Variants in WAPL observed in about 807,000 individuals in gnomAD.
WAPL encodes wings apart-like protein homolog.
A neutral mutation model predicts 121.0 loss-of-function variants in WAPL; 5 were observed. That is an observed-to-expected ratio of 0.04 (90% CI 0.02 to 0.09). WAPL has a LOEUF of 0.09. WAPL is among the 10% of genes least tolerant of loss of function. WAPL has a pLI of 1.00. For missense variants in WAPL, 999 were observed against 1,410.8 expected (o/e 0.71, Z 4.68); for synonymous variants, 480 against 481.5 (o/e 1.00, Z 0.04).
At chr10:86,448,127 A>G (rs1301999070) in intron 15 of WAPL, among the ~76,000 whole-genome samples, 1 of 152,172 alleles carries the variant, frequency 6.6e-6, no homozygotes, top group Non-Finnish European at 1.5e-5. Flanking sequence ...TTGTAACAAA[A>G]TAAAACTTAA....
At chr10:86,447,543 T>C (rs1242489335) in intron 15 of WAPL, among the ~76,000 whole-genome samples, 1 of 152,044 alleles carries the variant, frequency 6.6e-6, no homozygotes, top group Non-Finnish European at 1.5e-5. Flanking sequence ...TCCAGGAACC[T>C]GTTAGACTGG....
intron 4 of WAPL, among the ~76,000 whole-genome samples, chr10:86,496,851 G>C (rs540262919): frequency 4.6e-5 from 7 of 151,154 alleles, no homozygotes; most frequent in Non-Finnish European, 7.4e-5. Context: ...CACATTCCTA[G>C]AGACAGAGTG....
intron 8 of WAPL, among the ~76,000 whole-genome samples, chr10:86,469,009 C>T (rs537760740): frequency 2.0e-4 from 30 of 152,036 alleles, no homozygotes; most frequent in African/African-American, 7.0e-4. Context: ...GAGGCTGAGG[C>T]AGGACAATCG....
At chr10:86,475,441 C>T (rs1841629154) in intron 4 of WAPL, among the ~76,000 whole-genome samples, 1 of 152,182 alleles carries the variant, frequency 6.6e-6, no homozygotes, top group Non-Finnish European at 1.5e-5. Context: ...TTAACTATAT[C>T]CCCTTACTAG....
intron 16 of WAPL, among the ~76,000 whole-genome samples, chr10:86,444,321 C>A (rs1187940689): frequency 6.6e-6 from 1 of 152,136 alleles, no homozygotes; most frequent in Non-Finnish European, 1.5e-5. Context: ...CAGTTACATA[C>A]AATCCAACAA....
chr10:86,489,463 G>C (rs1229938359), intron 4 of WAPL, among the ~76,000 whole-genome samples: 1 of 152,084 alleles, frequency 6.6e-6, no homozygotes, highest in Non-Finnish European at 1.5e-5. Flanking sequence ...GGAGTAATGG[G>C]CATCATATCT....
At chr10:86,463,232 AG>A (rs1263859481) in intron 9 of WAPL, among the ~76,000 whole-genome samples, 1 of 152,254 alleles carries the variant, frequency 6.6e-6, no homozygotes, top group Non-Finnish European at 1.5e-5. Flanking sequence ...TGGAGGTTGC[AG>A]TGAGCTGAGA....
At chr10:86,458,955 A>G (rs1343489070) in intron 12 of WAPL, 34 bp downstream of exon 12, 3 of 1,500,826 alleles carry the variant, frequency 2.0e-6, no homozygotes, top group East Asian at 2.3e-5. Context: ...ATAAGTAACA[A>G]TGTTAGTTGT....
intron 2 of WAPL, 39 bp downstream of exon 2, chr10:86,517,532 A>C: frequency 6.5e-7 from 1 of 1,548,862 alleles, no homozygotes; most frequent in South Asian, 1.2e-5. Context: ...TGGTTGCACA[A>C]AGCTCTCTTG....
At chr10:86,443,489 T>A in intron 16 of WAPL, 126 bp from the exon 17 acceptor site, 1 of 624,130 alleles carries the variant, frequency 1.6e-6, no homozygotes, top group South Asian at 3.0e-5. Context: ...CTAGGACAAC[T>A]GGATATCCAC....
chr10:86,473,291 A>C (rs915925579), intron 5 of WAPL, among the ~76,000 whole-genome samples: 1 of 152,236 alleles, frequency 6.6e-6, no homozygotes, highest in African/African-American at 2.4e-5. Context: ...TATACTTTAG[A>C]AAGACTTCTA....
intron 12 of WAPL, among the ~76,000 whole-genome samples, chr10:86,455,697 G>GAAAAAAAAAAAAAAAAAAAAAAAAAAA (rs1220963010): frequency 1.6e-4 from 21 of 131,318 alleles, no homozygotes; most frequent in Admixed American, 2.4e-4. Flanking sequence ...AAAAAAAAAA[G>GAAAAAAAAAAAAAAAAAAAAAAAAAAA]AAAGAAAGAA....
chr10:86,520,095 A>C (rs991036962), intron 1 of WAPL, among the ~76,000 whole-genome samples: 4 of 152,242 alleles, frequency 2.6e-5, no homozygotes, highest in Admixed American at 2.0e-4. Flanking sequence ...CAGGAGTTCG[A>C]GACCAGCCTG....
intron 7 of WAPL, among the ~76,000 whole-genome samples, chr10:86,471,953 AT>A (rs34017842): frequency 0.93 from 137,652 of 147,862 alleles, 64,131 homozygotes; most frequent in East Asian, 0.99. Flanking sequence ...CTTTAGCGTA[AT>A]TTTTTTTTTT....
At chr10:86,520,133 T>A (rs1328530098) in intron 1 of WAPL, among the ~76,000 whole-genome samples, 1 of 152,124 alleles carries the variant, frequency 6.6e-6, no homozygotes, top group African/African-American at 2.4e-5. Flanking sequence ...ACGTTTCTAC[T>A]AAAAATAGAA....
intron 16 of WAPL, among the ~76,000 whole-genome samples, chr10:86,445,346 CTG>C (rs1272464830): frequency 1.3e-5 from 2 of 152,118 alleles, no homozygotes; most frequent in Non-Finnish European, 2.9e-5. Context: ...TTGGCTGACT[CTG>C]TGGATGTGGA....
chr10:86,503,192 G>T (rs1383340016), intron 2 of WAPL, among the ~76,000 whole-genome samples: 1 of 151,384 alleles, frequency 6.6e-6, no homozygotes, highest in Non-Finnish European at 1.5e-5. Context: ...TTCACTGGCT[G>T]GGCGCGGGGG....
In WAPL at chr10:86,435,962, A is replaced by C. The variant is rs566312942; in HGVS notation, c.*1581T>G. 2 of 152,466 alleles carry C rather than the reference A, an allele frequency of 1.3e-5. No homozygotes were observed. Among genetic ancestry groups the C allele is most frequent in the African/African-American group, 4.8e-5 (2 of 41,586 alleles). The allele number at this position is 152,466 out of a possible 1,614,324, so 9.4% of individuals were successfully genotyped here. On this transcript the variant is annotated 3_prime_UTR_variant, in exon 19 of 19. Coordinates refer to ENST00000298767, the MANE Select transcript of WAPL (RefSeq NM_015045.5). ...TAGCTTTAATACTCAGGGCAAATAC[A>C]ATCTCAATGGTTCCCACGTTACACT...
At chr10:86,484,807 C>T (rs1841892370) in intron 4 of WAPL, among the ~76,000 whole-genome samples, 1 of 152,198 alleles carries the variant, frequency 6.6e-6, no homozygotes, top group Admixed American at 6.5e-5. Flanking sequence ...GGCAACATAT[C>T]AGAAGCAACA....
Sources: allele counts gnomAD v4.1 joint callset (sites outside exome capture counted in the v4.1 genomes callset), GRCh38; gene constraint gnomAD v4.1.1; transcripts MANE v1.5; gene names NCBI Gene and HGNC (gene_info 2026-07-23, HGNC 2026-07-21).